SGCD: variants seen among roughly 807,000 people sequenced by gnomAD.
SGCD encodes the protein sarcoglycan delta.
In SGCD, 18 loss-of-function variants were observed where a neutral mutation model predicts 36.6. The observed-to-expected ratio is 0.49, with a 90% CI of 0.34 to 0.73. The LOEUF (loss-of-function observed/expected upper bound fraction) is 0.73. Ranked by LOEUF, SGCD falls within the 30% of genes least tolerant of loss-of-function variation. SGCD has a pLI of 0.01. For missense variants in SGCD, 387 were observed against 346.7 expected (o/e 1.12, Z -0.92); for synonymous variants, 133 against 130.6 (o/e 1.02, Z -0.12).
chr5:156,182,312 C>A (rs1763628456), intron 3 of SGCD, among the ~76,000 whole-genome samples: 1 of 152,120 alleles, frequency 6.6e-6, no homozygotes, highest in Admixed American at 6.6e-5. Flanking sequence ...ATAAGCTGGG[C>A]TGGGCATGGT....
chr5:155,730,175 G>A, the SGCD span, among the ~76,000 whole-genome samples: 4 of 152,112 alleles, frequency 2.6e-5, no homozygotes, highest in African/African-American at 7.2e-5. Flanking sequence ...GAGAGGGCGC[G>A]GTTGAGCTTT....
intron 3 of SGCD, among the ~76,000 whole-genome samples, chr5:156,214,480 A>G (rs146043847): frequency 2.0e-5 from 3 of 152,036 alleles, no homozygotes; most frequent in African/African-American, 7.2e-5. Flanking sequence ...AAATGGAAAG[A>G]TATGTCGTGT....
At chr5:156,260,695 G>C (rs1036857705) in intron 3 of SGCD, among the ~76,000 whole-genome samples, 4 of 151,896 alleles carry the variant, frequency 2.6e-5, no homozygotes, top group African/African-American at 9.7e-5. Flanking sequence ...TTGCTTTATT[G>C]AGCTCTCTGG....
intron 4 of SGCD, among the ~76,000 whole-genome samples, chr5:156,551,952 T>C (rs975060988): frequency 6.6e-6 from 1 of 151,960 alleles, no homozygotes; most frequent in South Asian, 2.1e-4. Context: ...AAAAATGGGG[T>C]TCTTGTTTAT....
At chr5:155,728,033 C>T in the SGCD span, among the ~76,000 whole-genome samples, 1 of 152,116 alleles carries the variant, frequency 6.6e-6, no homozygotes, top group Non-Finnish European at 1.5e-5. Context: ...CGCTGGGGCT[C>T]CCTCCGCTCT....
At chr5:155,973,918 T>C (rs921336215) in intron 1 of SGCD, among the ~76,000 whole-genome samples, 1 of 152,184 alleles carries the variant, frequency 6.6e-6, no homozygotes, top group African/African-American at 2.4e-5. Context: ...AACTCCAGTA[T>C]GGTCTGGCCT....
chr5:156,156,178 C>A (rs1433159482), intron 3 of SGCD, among the ~76,000 whole-genome samples: 2 of 151,588 alleles, frequency 1.3e-5, no homozygotes, highest in Non-Finnish European at 2.9e-5. Flanking sequence ...TGTAATGCGA[C>A]CCCTTCATAT....
intron 1 of SGCD, among the ~76,000 whole-genome samples, chr5:156,329,259 TG>T (rs1767957385): frequency 6.6e-6 from 1 of 152,136 alleles, no homozygotes; most frequent in Non-Finnish European, 1.5e-5. Context: ...GAGGAGCCCT[TG>T]GCACAGGAAT....
At chr5:156,678,750 C>A (rs1173423585) in intron 7 of SGCD, among the ~76,000 whole-genome samples, 1 of 152,152 alleles carries the variant, frequency 6.6e-6, no homozygotes, top group Non-Finnish European at 1.5e-5. Context: ...AGGAAGTATA[C>A]GTGAGCAATT....
At chr5:155,793,566 G>A in the SGCD span, among the ~76,000 whole-genome samples, 3 of 150,370 alleles carry the variant, frequency 2.0e-5, no homozygotes, top group Non-Finnish European at 4.4e-5. Context: ...TTAAGAGATG[G>A]AGTCTTGCTC....
chr5:156,441,217 A>T (rs923702287), intron 3 of SGCD, among the ~76,000 whole-genome samples: 1 of 152,164 alleles, frequency 6.6e-6, no homozygotes. Flanking sequence ...CCATGAGGAC[A>T]TGGAAGATTC....
At chr5:155,764,251 G>T in the SGCD span, among the ~76,000 whole-genome samples, 1 of 152,090 alleles carries the variant, frequency 6.6e-6, no homozygotes, top group African/African-American at 2.4e-5. Context: ...AATAGGGAGA[G>T]GCCACTTTAA....
intron 1 of SGCD, among the ~76,000 whole-genome samples, chr5:155,947,532 C>G (rs1757464290): frequency 6.6e-6 from 1 of 152,048 alleles, no homozygotes; most frequent in Non-Finnish European, 1.5e-5. Context: ...AAGAATAAGG[C>G]CCATTCACCC....
chr5:156,423,903 T>C (rs932748909), intron 3 of SGCD, among the ~76,000 whole-genome samples: 3 of 152,144 alleles, frequency 2.0e-5, no homozygotes, highest in Non-Finnish European at 2.9e-5. Flanking sequence ...CATTAGTCAG[T>C]GATGGCCAAT....
chr5:155,980,478 C>T lies in SGCD; in HGVS notation c.-282+110054C>T, dbSNP rs369246259. On this transcript the variant is annotated intron_variant, in intron 1 of 9. Transcript: ENST00000517913. ...TGGCAGACGCCTGTAGACCCAGCTA[C>T]TCAGGAGGCTGAGGCAGAAGAATGG... Among the ~76,000 whole-genome samples the T allele has an allele frequency of 1.8e-3, 270 of 151,620 alleles. 2 individuals are homozygous for T. The highest frequency in any genetic ancestry group is 6.8e-3 in the Middle Eastern group (2 of 292).
chr5:155,770,758 G>A, the SGCD span, among the ~76,000 whole-genome samples: 3 of 152,070 alleles, frequency 2.0e-5, no homozygotes, highest in Non-Finnish European at 4.4e-5. Flanking sequence ...ATTGATTATA[G>A]AATTAGCCAC....
intron 3 of SGCD, among the ~76,000 whole-genome samples, chr5:156,307,550 C>A (rs1767249153): frequency 1.4e-5 from 1 of 71,686 alleles, no homozygotes; most frequent in Non-Finnish European, 2.5e-5. Context: ...TACATTTTAA[C>A]TGTTGTTTTT....
intron 4 of SGCD, among the ~76,000 whole-genome samples, chr5:156,544,020 C>T (rs2113162255): frequency 6.6e-6 from 1 of 152,264 alleles, no homozygotes; most frequent in African/African-American, 2.4e-5. Flanking sequence ...GAGGCATTCT[C>T]TGAATTAAAT....
chr5:156,418,520 T>C (rs919588706), intron 3 of SGCD, among the ~76,000 whole-genome samples: 6 of 152,174 alleles, frequency 3.9e-5, no homozygotes, highest in African/African-American at 9.7e-5. Flanking sequence ...CACTTTGTCT[T>C]TGAGAGACCT....
Sources: gnomAD v4.1 joint callset for allele counts (sites outside exome capture counted in the v4.1 genomes callset) on GRCh38, gnomAD v4.1.1 for gene constraint, MANE v1.5 for transcripts, NCBI Gene and HGNC (gene_info 2026-07-23, HGNC 2026-07-21) for gene names.